Variants in DCC observed in about 807,000 individuals in gnomAD.
DCC encodes the protein netrin receptor DCC.
A neutral mutation model predicts 172.5 loss-of-function variants in DCC; 58 were observed. The ratio of observed to expected loss-of-function variants is 0.34; its 90% CI spans 0.27 to 0.42. DCC has a LOEUF of 0.42. DCC is among the 10% of genes least tolerant of loss of function. The pLI is 1.00. For missense variants in DCC, 1,740 were observed against 1,791.0 expected, an observed-to-expected ratio of 0.97 and a Z score of 0.51; for synonymous variants, 709 against 644.5, an observed-to-expected ratio of 1.10 and a Z score of -1.52.
At chr18:52,609,436 T>C (rs2034204030) in intron 1 of DCC, among the ~76,000 whole-genome samples, 1 of 151,898 alleles carries the variant, frequency 6.6e-6, no homozygotes. Context: ...ATTCACTCCA[T>C]TTGTAATTAA....
At chr18:52,578,696 A>G (rs778565544) in intron 1 of DCC, among the ~76,000 whole-genome samples, 5 of 152,228 alleles carry the variant, frequency 3.3e-5, no homozygotes, top group Non-Finnish European at 7.3e-5. Context: ...ATTACTTAAA[A>G]GTGTATTCCA....
intron 1 of DCC, among the ~76,000 whole-genome samples, chr18:52,622,307 T>C (rs77974757): frequency 0.021 from 3,212 of 152,304 alleles, 102 homozygotes; most frequent in East Asian, 0.09. Flanking sequence ...GAAGTTTCTC[T>C]AGAAGAGTAC....
intron 1 of DCC, among the ~76,000 whole-genome samples, chr18:52,704,996 G>T (rs1037639229): frequency 6.6e-6 from 1 of 152,056 alleles, no homozygotes; most frequent in African/African-American, 2.4e-5. Context: ...TGGGGCACTT[G>T]GTTCCCAGTT....
chr18:53,015,046 C>A (rs2041789590), intron 5 of DCC, among the ~76,000 whole-genome samples: 1 of 152,144 alleles, frequency 6.6e-6, no homozygotes, highest in Non-Finnish European at 1.5e-5. Context: ...AATGATCATT[C>A]TTTCAATTCC....
intron 1 of DCC, among the ~76,000 whole-genome samples, chr18:52,625,590 G>A (rs1318834486): frequency 2.6e-5 from 4 of 151,896 alleles, no homozygotes; most frequent in South Asian, 2.1e-4. Context: ...ACATGCTTTG[G>A]TGTTGTCCAC....
At chr18:52,362,245 A>G (rs1984649883) in intron 1 of DCC, among the ~76,000 whole-genome samples, 1 of 152,232 alleles carries the variant, frequency 6.6e-6, no homozygotes. Flanking sequence ...GTTATTAGGT[A>G]TGTTAGCTCC....
At chr18:53,441,825 C>G (rs1912294901) in intron 22 of DCC, among the ~76,000 whole-genome samples, 1 of 152,172 alleles carries the variant, frequency 6.6e-6, no homozygotes, top group Admixed American at 6.5e-5. Flanking sequence ...ACGTCTGTTT[C>G]TGGCTTGCTG....
At chr18:52,790,220 T>C (rs1241133481) in intron 2 of DCC, among the ~76,000 whole-genome samples, 2 of 152,184 alleles carry the variant, frequency 1.3e-5, no homozygotes, top group Non-Finnish European at 2.9e-5. Context: ...TGTTATAGAC[T>C]GTTTTGTTGG....
chr18:52,446,306 A>C, intron 1 of DCC, among the ~76,000 whole-genome samples: 1 of 152,192 alleles, frequency 6.6e-6, no homozygotes, highest in Non-Finnish European at 1.5e-5. Flanking sequence ...ATAAGGAAAG[A>C]AGACAATAAA....
intron 5 of DCC, among the ~76,000 whole-genome samples, chr18:53,025,451 G>T (rs1336916873): frequency 2.0e-5 from 3 of 152,044 alleles, no homozygotes; most frequent in Non-Finnish European, 4.4e-5. Flanking sequence ...GCCCTTCCCT[G>T]TTCAACATAT....
At chr18:52,956,434 A>G (rs1384798742) in intron 5 of DCC, among the ~76,000 whole-genome samples, 5 of 148,828 alleles carry the variant, frequency 3.4e-5, no homozygotes, top group South Asian at 2.1e-4. Context: ...CCATTGATCT[A>G]TTTATTTATT....
intron 25 of DCC, among the ~76,000 whole-genome samples, chr18:53,469,796 C>T (rs1369706126): frequency 6.6e-6 from 1 of 151,942 alleles, no homozygotes; most frequent in Non-Finnish European, 1.5e-5. Flanking sequence ...ATTATCTGCA[C>T]TTTCTCCTCT....
chr18:52,883,179 C>T (rs2039512513), intron 2 of DCC, among the ~76,000 whole-genome samples: 1 of 151,980 alleles, frequency 6.6e-6, no homozygotes, highest in Non-Finnish European at 1.5e-5. Flanking sequence ...GGCAACAGAT[C>T]ATTGGGTCTC....
intron 5 of DCC, among the ~76,000 whole-genome samples, chr18:52,965,758 TG>T (rs1411267397): frequency 6.6e-6 from 1 of 152,176 alleles, no homozygotes; most frequent in African/African-American, 2.4e-5. Context: ...AATTTATATT[TG>T]TGGTCTAAGA....
intron 1 of DCC, among the ~76,000 whole-genome samples, chr18:52,482,278 C>T (rs17754985): frequency 0.01 from 1,537 of 152,244 alleles, 59 homozygotes; most frequent in Admixed American, 0.064. Flanking sequence ...CTTTTTCATT[C>T]TAAATTGTAT....
intron 1 of DCC, among the ~76,000 whole-genome samples, chr18:52,391,528 T>C (rs1986029988): frequency 6.6e-6 from 1 of 152,122 alleles, no homozygotes; most frequent in Non-Finnish European, 1.5e-5. Flanking sequence ...CATACTTGCT[T>C]TTCTTTCTGA....
rs185501045 is a variant in DCC, at chr18:53,459,267, G to A, written c.3428G>A (p.Gly1143Asp). 27 of 1,614,100 alleles carry A rather than the reference G, an allele frequency of 1.7e-5. 1 individual carries two copies. In the East Asian group the frequency reaches 2.9e-4, roughly 17 times the overall value. ...RATHSAGKRK[G>D]SQKDLRPPDL... The stretch of plus-strand genomic sequence containing the variant: ...ACCCACAGTGCTGGCAAAAGGAAGG[G>A]CAGCCAGAAGGACCTCCGACCCCCT... Residue 1143 changes from glycine (G) to aspartate (D), a missense_variant, in exon 24 of 29, where the codon GGC becomes GAC. Gly to Asp is a moderately conservative substitution (Grantham distance 94). Coordinates refer to ENST00000442544, the MANE Select transcript of DCC (RefSeq NM_005215.4).
intron 1 of DCC, among the ~76,000 whole-genome samples, chr18:52,672,432 T>G (rs1008266403): frequency 1.2e-4 from 19 of 152,152 alleles, no homozygotes; most frequent in Admixed American, 5.2e-4. Context: ...TTTATGGAAA[T>G]GGGTAGAGAG....
At chr18:52,971,534 C>T (rs370967907) in intron 5 of DCC, among the ~76,000 whole-genome samples, 2 of 151,938 alleles carry the variant, frequency 1.3e-5, no homozygotes, top group African/African-American at 4.8e-5. Context: ...CACACGCACG[C>T]ACACACACAA....
Sources: gnomAD v4.1 joint callset for allele counts (sites outside exome capture counted in the v4.1 genomes callset) on GRCh38, gnomAD v4.1.1 for gene constraint, MANE v1.5 for transcripts, NCBI Gene and HGNC (gene_info 2026-07-23, HGNC 2026-07-21) for gene names.